The following PPP1R42 variants were observed in gnomAD, a reference collection of about 807,000 sequenced individuals.
PPP1R42 encodes protein phosphatase 1 regulatory subunit 42, also known as leucine rich repeat containing 67.
A neutral mutation model predicts 31.0 loss-of-function variants in PPP1R42; 34 were observed. The observed-to-expected ratio is 1.10, with a 90% CI of 0.83 to 1.46. PPP1R42 has a LOEUF of 1.46. Among genes scored for constraint, PPP1R42 ranks in the 40% most tolerant of loss-of-function variants. The pLI, the probability that PPP1R42 is intolerant of heterozygous loss-of-function variation, is 0.00. For synonymous variants in PPP1R42, 103 were observed against 109.8 expected (o/e 0.94, Z 0.39); for missense variants, 268 against 303.0 (o/e 0.88, Z 0.86).
At chr8:66,969,673 T>G (rs1293990394) in intron 7 of PPP1R42, among the ~76,000 whole-genome samples, 2 of 152,212 alleles carry the variant, frequency 1.3e-5, no homozygotes, top group East Asian at 1.9e-4. Context: ...TAGGCAATTC[T>G]AAATCATCAT....
chr8:66,988,190 A>G, intron 6 of PPP1R42: 2 of 1,190,076 alleles, frequency 1.7e-6, no homozygotes, highest in African/African-American at 1.6e-5. Context: ...AATAAGTATC[A>G]GGTGCTTTAA....
chr8:67,008,895 G>A (rs988558909), intron 5 of PPP1R42, among the ~76,000 whole-genome samples: 2 of 152,148 alleles, frequency 1.3e-5, no homozygotes, highest in South Asian at 2.1e-4. Context: ...TTATTTAGAG[G>A]CTAGAAGTTT....
chr8:67,025,634 T>G (rs1198103740), intron 1 of PPP1R42, among the ~76,000 whole-genome samples: 1 of 151,680 alleles, frequency 6.6e-6, no homozygotes, highest in East Asian at 1.9e-4. Flanking sequence ...TTAATACAAG[T>G]TTAATGTGGC....
chr8:66,985,714 G>C, intron 6 of PPP1R42: 3 of 1,334,066 alleles, frequency 2.2e-6, no homozygotes, highest in Non-Finnish European at 3.2e-6. Context: ...GGAAGAAGGA[G>C]TCTTTGGCTG....
chr8:66,985,879 A>C, intron 6 of PPP1R42: 5 of 1,075,288 alleles, frequency 4.6e-6, no homozygotes, highest in Non-Finnish European at 7.0e-6. Flanking sequence ...CCACCTTCTC[A>C]AAATGGGGTA....
chr8:66,970,757 A>G lies in PPP1R42; in HGVS notation c.803-6423T>C, dbSNP rs1005495999. 1.7e-5 allele frequency: 9 copies of G among 524,912 alleles called. No homozygotes were observed. The Admixed American group carries it at 2.0e-4, about 12-fold the overall frequency. 32.5% of individuals were successfully genotyped at this position (524,912 alleles called of 1,614,324 possible). A position where few individuals can be genotyped will look rare whatever the true frequency, so the allele number is the denominator to read the frequency against. ...TACCTCAGTGGGTGTATCCAGTCTA[A>G]CGCCGAAGTCTTCTGGAAACACCCC... On this transcript the variant is annotated intron_variant, in intron 7 of 7. Coordinates refer to ENST00000685739, the MANE Select transcript of PPP1R42 (RefSeq NM_001364910.1).
At chr8:67,005,660 A>C (rs1815651586) in intron 5 of PPP1R42, among the ~76,000 whole-genome samples, 1 of 152,146 alleles carries the variant, frequency 6.6e-6, no homozygotes, top group South Asian at 2.1e-4. Context: ...TTATGCCTAC[A>C]TCCTGCTCAT....
intron 6 of PPP1R42, chr8:66,984,610 C>G: frequency 2.5e-6 from 3 of 1,197,034 alleles, no homozygotes; most frequent in Non-Finnish European, 3.7e-6. Context: ...ATACGTGTAC[C>G]CCCTGTGAAA....
Position 66,964,347 on chromosome 8 carries a change from A to C in PPP1R42, c.803-13T>G. 3 of 1,237,800 alleles carry C rather than the reference A, an allele frequency of 2.4e-6. No individual in the cohort carries two copies. The highest frequency in any genetic ancestry group is 3.1e-6 in the Non-Finnish European group (3 of 968,582). 76.7% of individuals were successfully genotyped at this position (1,237,800 alleles called of 1,614,324 possible). On this transcript the variant is annotated splice_polypyrimidine_tract_variant and intron_variant, in intron 7 of 7. Transcript: ENST00000685739. ...CAAAGAGAGATTCCTGTATTTATAG[A>C]GAGGGAAAAAAAAGCATTAAATTAA...
chr8:66,970,909 T>C, intron 7 of PPP1R42: 1 of 1,132,402 alleles, frequency 8.8e-7, no homozygotes, highest in Non-Finnish European at 1.3e-6. Flanking sequence ...CCTCTGTTCC[T>C]CTTTGTTTAC....
chr8:66,982,252 G>T, intron 6 of PPP1R42, 72 bp from the exon 7 acceptor site: 1 of 718,552 alleles, frequency 1.4e-6, no homozygotes, highest in South Asian at 4.4e-5. Flanking sequence ...TGCACTTCTG[G>T]TTCAGAGCAC....
intron 7 of PPP1R42, among the ~76,000 whole-genome samples, chr8:66,970,493 T>C (rs1268531781): frequency 6.6e-6 from 1 of 152,208 alleles, no homozygotes; most frequent in African/African-American, 2.4e-5. Flanking sequence ...AAATTTTTCC[T>C]CATCAGGAGA....
intron 1 of PPP1R42, among the ~76,000 whole-genome samples, chr8:67,025,671 C>T (rs952701001): frequency 1.3e-5 from 2 of 151,614 alleles, no homozygotes; most frequent in African/African-American, 4.9e-5. Flanking sequence ...GAAATGGAGA[C>T]CCAAAGACGC....
At chr8:67,016,227 T>G (rs749096907) in intron 2 of PPP1R42, among the ~76,000 whole-genome samples, 2 of 152,230 alleles carry the variant, frequency 1.3e-5, no homozygotes, top group Non-Finnish European at 2.9e-5. Flanking sequence ...GCCTGGGGCA[T>G]TAGTATTTCT....
chr8:67,009,049 T>A (rs1815769429), intron 5 of PPP1R42, among the ~76,000 whole-genome samples: 1 of 152,224 alleles, frequency 6.6e-6, no homozygotes, highest in East Asian at 1.9e-4. Context: ...GGCGGGCAGA[T>A]CACTTGAGCT....
At chr8:67,008,108 G>A (rs556814363) in intron 5 of PPP1R42, among the ~76,000 whole-genome samples, 7 of 151,942 alleles carry the variant, frequency 4.6e-5, no homozygotes, top group South Asian at 2.1e-4. Flanking sequence ...GGTTCGTCTC[G>A]ATCTCCTGAT....
At chr8:66,986,395 A>G (rs949844352) in intron 6 of PPP1R42, among the ~76,000 whole-genome samples, 1 of 152,118 alleles carries the variant, frequency 6.6e-6, no homozygotes, top group African/African-American at 2.4e-5. Context: ...TCAATACTAC[A>G]GCTCACAAAC....
chr8:67,007,409 C>A (rs1422823359), intron 5 of PPP1R42, among the ~76,000 whole-genome samples: 1 of 152,226 alleles, frequency 6.6e-6, no homozygotes, highest in Non-Finnish European at 1.5e-5. Context: ...GTCACCCAGG[C>A]TGGAGTGCAG....
At position 67,010,951 on chromosome 8, in the gene PPP1R42, GC is replaced by G. The variant is rs1447452972; in HGVS notation, c.436-121del. ...CAGTTCAGGTTGTTTTGTTCTTTAG[GC>G]AAAAACATCAAAAGCCATGAAATTC... On this transcript the variant is annotated intron_variant, in intron 4 of 7. Coordinates refer to ENST00000685739, the MANE Select transcript of PPP1R42 (RefSeq NM_001364910.1). The G allele has an allele frequency of 3.4e-6, 3 of 879,892 alleles. No homozygotes were observed. The African/African-American group carries it at 5.2e-5, about 15-fold the overall frequency. 54.5% of individuals were successfully genotyped at this position (879,892 alleles called of 1,614,324 possible).
Sources: gnomAD v4.1 joint callset for allele counts (sites outside exome capture counted in the v4.1 genomes callset) on GRCh38, gnomAD v4.1.1 for gene constraint, MANE v1.5 for transcripts, NCBI Gene and HGNC (gene_info 2026-07-23, HGNC 2026-07-21) for gene names.